Variants in TAF1 observed in about 807,000 individuals in gnomAD.
TAF1 encodes TATA-box binding protein associated factor 1, also known as transcription initiation factor TFIID subunit 1.
Under a neutral mutation model 138.5 loss-of-function variants are expected in TAF1, and 2 were observed. The observed-to-expected ratio is 0.01, with a 90% CI of 0.01 to 0.05. The LOEUF is 0.05. TAF1 is among the 10% of genes least tolerant of loss of function. The pLI is 1.00. For missense variants in TAF1, 709 were observed against 1,478.0 expected, an observed-to-expected ratio of 0.48 and a Z score of 8.53; for synonymous variants, 437 against 503.2, an observed-to-expected ratio of 0.87 and a Z score of 1.76.
At chrX:71,479,742 C>A (rs903192662) in intron 13 of TAF1, among the ~76,000 whole-genome samples, 1 of 110,935 alleles carries the variant, frequency 9.0e-6, no homozygotes, top group Non-Finnish European at 1.9e-5. Flanking sequence ...TTTTCTTATT[C>A]TTTAAATTAT....
downstream of TAF1, among the ~76,000 whole-genome samples, chrX:71,467,415 C>G (rs1055204068): frequency 2.7e-5 from 3 of 110,994 alleles, no homozygotes; most frequent in Admixed American, 9.7e-5. Flanking sequence ...GCTTCCAATC[C>G]TTTTCTAAAG....
chrX:71,469,778 C>T (rs748431225), downstream of TAF1, among the ~76,000 whole-genome samples: 1 of 110,573 alleles, frequency 9.0e-6, no homozygotes, highest in Non-Finnish European at 1.9e-5. Context: ...CTTGGCTCAC[C>T]GCAACCTCTA....
chrX:71,399,202 A>G (rs1416487373), intron 24 of TAF1, among the ~76,000 whole-genome samples: 3 of 108,832 alleles, frequency 2.8e-5, no homozygotes, highest in Non-Finnish European at 5.7e-5. Flanking sequence ...GGCTTCCCAA[A>G]GTGCTGGGAT....
intron 15 of TAF1, 141 bp from the exon 16 acceptor site, chrX:71,388,096 T>G (rs1371912003): frequency 1.1e-6 from 1 of 907,216 alleles, no homozygotes; most frequent in Non-Finnish European, 1.5e-6. Flanking sequence ...CGAGACTCCG[T>G]CTCAGAAAAA....
Position 71,374,091 on chromosome X carries a change from C to CT in TAF1, c.353-1064dup, listed in dbSNP as rs57625882. The stretch of plus-strand genomic sequence containing the variant: ...GTATGATTTTTTCTTTTCTTTCTTT[C>CT]TTTTTTTTTTTTGAGACAGTTTCAC... On this transcript the variant is annotated intron_variant, in intron 3 of 37. Coordinates refer to ENST00000423759, the MANE Select transcript of TAF1 (RefSeq NM_004606.5). Among the ~76,000 whole-genome samples, 95 of 104,274 alleles carry CT rather than the reference C, an allele frequency of 9.1e-4. No homozygotes were observed. In the Middle Eastern group the frequency reaches 0.014, roughly 16 times the overall value. The allele number at this position is 104,274 out of a possible 115,157, so 90.5% of individuals were successfully genotyped here.
intron 8 of TAF1, among the ~76,000 whole-genome samples, chrX:71,380,468 A>C (rs1303117606): frequency 1.8e-5 from 2 of 110,745 alleles, no homozygotes; most frequent in Admixed American, 1.9e-4. Context: ...GAGTCTTGCT[A>C]TTGTTGGTCA....
At chrX:71,454,949 A>G (rs1296572750) in intron 34 of TAF1, 92 bp downstream of exon 34, 17 of 1,181,505 alleles carry the variant, frequency 1.4e-5, no homozygotes, top group Non-Finnish European at 1.8e-5. Flanking sequence ...CTGAGATACC[A>G]TTCTTCTCTG....
At chrX:71,372,860 T>C (rs773663343) in intron 3 of TAF1, among the ~76,000 whole-genome samples, 26 of 111,735 alleles carry the variant, frequency 2.3e-4, no homozygotes, top group Non-Finnish European at 4.1e-4. Flanking sequence ...GAAGTTGCTA[T>C]ACTTACTTTT....
intron 28 of TAF1, among the ~76,000 whole-genome samples, chrX:71,412,690 C>T (rs897631890): frequency 3.6e-5 from 4 of 111,382 alleles, no homozygotes; most frequent in African/African-American, 1.3e-4. Context: ...TGGGTTCAGG[C>T]GATTCTCCTG....
chrX:71,376,140 T>C (rs754401429), intron 4 of TAF1, among the ~76,000 whole-genome samples: 56 of 111,882 alleles, frequency 5.0e-4, no homozygotes, highest in Non-Finnish European at 6.0e-4. Context: ...TTGAGGCTTG[T>C]ATTAACCTAA....
chrX:71,377,970 A>T, intron 6 of TAF1, 149 bp downstream of exon 6: 1 of 767,544 alleles, frequency 1.3e-6, no homozygotes, highest in Non-Finnish European at 1.8e-6. Context: ...GTTCAATCTC[A>T]GTGGCTGCCC....
intron 1 of TAF1, among the ~76,000 whole-genome samples, 194 bp downstream of exon 1, chrX:71,366,688 A>T (rs2032525074): frequency 9.0e-6 from 1 of 111,060 alleles, no homozygotes; most frequent in Admixed American, 9.6e-5. Flanking sequence ...TGGGCAGAAG[A>T]GAGCGCGAGG....
At chrX:71,427,395 A>G (rs911739505) in intron 32 of TAF1, among the ~76,000 whole-genome samples, 4 of 111,594 alleles carry the variant, frequency 3.6e-5, no homozygotes, top group Non-Finnish European at 7.5e-5. Context: ...AGTGTTGGTA[A>G]GCTCACAGAT....
chrX:71,459,874 C>G (rs768599040), intron 36 of TAF1, among the ~76,000 whole-genome samples, 166 bp downstream of exon 36: 80 of 111,550 alleles, frequency 7.2e-4, no homozygotes, highest in African/African-American at 2.5e-3. Context: ...GTAGGATGAT[C>G]ATATTCATTA....
At chrX:71,496,185 A>T (rs2039391723) in intron 13 of TAF1, among the ~76,000 whole-genome samples, 1 of 112,342 alleles carries the variant, frequency 8.9e-6, no homozygotes, top group South Asian at 3.7e-4. Context: ...GGAACCATCT[A>T]TTGTCCTGTC....
At chrX:71,474,820 C>T (rs183616737) in intron 13 of TAF1, among the ~76,000 whole-genome samples, 1 of 111,515 alleles carries the variant, frequency 9.0e-6, no homozygotes, top group East Asian at 2.8e-4. Context: ...TTAGCTGAGA[C>T]TTGAAGATGA....
At chrX:71,451,158 C>T (rs1359707348) in intron 32 of TAF1, among the ~76,000 whole-genome samples, 3 of 112,382 alleles carry the variant, frequency 2.7e-5, no homozygotes, top group African/African-American at 9.7e-5. Context: ...GTATATAGCT[C>T]AATCCATTTT....
chrX:71,376,496 T>C (rs1270212868), intron 4 of TAF1, among the ~76,000 whole-genome samples: 1 of 109,835 alleles, frequency 9.1e-6, no homozygotes, highest in African/African-American at 3.3e-5. Context: ...TGAAACCCCG[T>C]CTCTACTAAA....
chrX:71,418,601 A>G (rs1280756334), intron 28 of TAF1, among the ~76,000 whole-genome samples: 1 of 112,126 alleles, frequency 8.9e-6, no homozygotes, highest in East Asian at 2.8e-4. Flanking sequence ...CAATCTAGCA[A>G]AGGATATGTA....
Sources: gnomAD v4.1 joint callset for allele counts (sites outside exome capture counted in the v4.1 genomes callset) on GRCh38, gnomAD v4.1.1 for gene constraint, MANE v1.5 for transcripts, NCBI Gene and HGNC (gene_info 2026-07-23, HGNC 2026-07-21) for gene names.